The following AGBL4 variants were observed in gnomAD, a reference collection of about 807,000 sequenced individuals.
AGBL4 encodes the protein AGBL carboxypeptidase 4.
AGBL4 carries 58 observed loss-of-function variants against 66.4 expected under a neutral mutation model. The observed-to-expected ratio is 0.87, with a 90% confidence interval of 0.71 to 1.09. AGBL4 has a LOEUF of 1.09. Among genes scored for constraint, AGBL4 ranks in the 50% least tolerant of loss-of-function variants. The pLI is 0.00. For synonymous variants in AGBL4, 234 were observed against 222.9 expected, an observed-to-expected ratio of 1.05 and a Z score of -0.44; for missense variants, 579 against 631.0, an observed-to-expected ratio of 0.92 and a Z score of 0.88.
chr1:49,768,012 A>C (rs746991294), intron 2 of AGBL4, among the ~76,000 whole-genome samples: 17 of 152,040 alleles, frequency 1.1e-4, no homozygotes, highest in Middle Eastern at 3.4e-3. Flanking sequence ...CTCAAAGAAA[A>C]AAAACAAAAC....
At chr1:48,972,421 T>C (rs1017362336) in intron 5 of AGBL4, among the ~76,000 whole-genome samples, 1 of 152,186 alleles carries the variant, frequency 6.6e-6, no homozygotes, top group African/African-American at 2.4e-5. Flanking sequence ...AGTTGTGTCT[T>C]ATTTTTAGCT....
At chr1:49,444,515 CA>C (rs1363887544) in intron 3 of AGBL4, among the ~76,000 whole-genome samples, 2 of 152,144 alleles carry the variant, frequency 1.3e-5, no homozygotes, top group Admixed American at 1.3e-4. Flanking sequence ...ATTCCTTTAT[CA>C]TTATGTAATA....
chr1:49,655,925 G>T (rs1002651092), intron 3 of AGBL4, among the ~76,000 whole-genome samples: 2 of 152,158 alleles, frequency 1.3e-5, no homozygotes, highest in African/African-American at 4.8e-5. Context: ...GAGGTGGGCA[G>T]ATCATGAGGT....
chr1:49,642,258 T>C (rs535843008), intron 3 of AGBL4, among the ~76,000 whole-genome samples: 2 of 152,092 alleles, frequency 1.3e-5, no homozygotes, highest in South Asian at 4.1e-4. Flanking sequence ...TTTTAAAATA[T>C]TTATAAAACA....
intron 2 of AGBL4, among the ~76,000 whole-genome samples, chr1:49,805,809 C>T (rs1295181874): frequency 2.0e-5 from 3 of 152,108 alleles, no homozygotes; most frequent in Admixed American, 1.3e-4. Context: ...GAGGACACAG[C>T]GAGAAGGCAC....
chr1:49,557,146 A>G (rs979171376), intron 3 of AGBL4, among the ~76,000 whole-genome samples: 3 of 151,994 alleles, frequency 2.0e-5, no homozygotes, highest in Non-Finnish European at 2.9e-5. Flanking sequence ...CAGCCCAGAG[A>G]AGGTCTCCCA....
intron 3 of AGBL4, among the ~76,000 whole-genome samples, chr1:49,521,644 G>GA (rs1326829703): frequency 1.3e-5 from 2 of 151,850 alleles, no homozygotes; most frequent in Non-Finnish European, 1.5e-5. Flanking sequence ...TTTTACCATA[G>GA]AAAAAAACTA....
At chr1:48,991,060 T>A (rs1424920647) in intron 5 of AGBL4, among the ~76,000 whole-genome samples, 1 of 152,200 alleles carries the variant, frequency 6.6e-6, no homozygotes, top group African/African-American at 2.4e-5. Flanking sequence ...CTGTTACCAA[T>A]GAGTTTTGTA....
intron 1 of AGBL4, among the ~76,000 whole-genome samples, chr1:49,891,460 T>C (rs967572404): frequency 1.3e-5 from 2 of 152,052 alleles, no homozygotes; most frequent in Non-Finnish European, 2.9e-5. Flanking sequence ...GGCATCTAGA[T>C]GGTAGAGGCC....
At chr1:49,601,425 T>A (rs534302817) in intron 3 of AGBL4, among the ~76,000 whole-genome samples, 1 of 152,180 alleles carries the variant, frequency 6.6e-6, no homozygotes, top group African/African-American at 2.4e-5. Flanking sequence ...TAGATTTGGC[T>A]ATTCATCCTT....
At chr1:48,741,814 C>T (rs560755938) in intron 6 of AGBL4, among the ~76,000 whole-genome samples, 2 of 152,310 alleles carry the variant, frequency 1.3e-5, no homozygotes, top group South Asian at 2.1e-4. Context: ...GTAATGCATG[C>T]CACAGTGGCA....
intron 2 of AGBL4, among the ~76,000 whole-genome samples, chr1:49,710,951 T>C (rs1647617822): frequency 1.3e-5 from 2 of 151,994 alleles, no homozygotes; most frequent in African/African-American, 4.8e-5. Flanking sequence ...ACAAGATTTA[T>C]GAGTTGCCAG....
chr1:49,034,034 T>C (rs1231914375), intron 5 of AGBL4, among the ~76,000 whole-genome samples: 2 of 152,052 alleles, frequency 1.3e-5, no homozygotes, highest in African/African-American at 4.8e-5. Flanking sequence ...AGTTCCAGTG[T>C]TGATTCCTAT....
chr1:49,917,102 G>T (rs1183428054), intron 1 of AGBL4, among the ~76,000 whole-genome samples: 3 of 152,034 alleles, frequency 2.0e-5, no homozygotes, highest in Admixed American at 2.0e-4. Flanking sequence ...ACATGCAAAG[G>T]AACAACCGGT....
In AGBL4 at chr1:49,512,552, C is replaced by A. The variant is rs542814194; in HGVS notation, c.282+184761G>T. ...GTTTGTGGCATTTCCTGCCACCCCC[C>A]CTCTTTCCTACTTCACCATGTGACA... is the stretch of plus-strand genomic sequence containing the variant. On this transcript the variant is annotated intron_variant, in intron 3 of 13. Transcript: ENST00000371839. Among the ~76,000 whole-genome samples the A allele has an allele frequency of 5.9e-5, 9 of 151,836 alleles. No homozygotes were observed. The East Asian group carries it at 9.7e-4, about 16-fold the overall frequency.
chr1:49,410,962 A>T (rs1431333896), intron 3 of AGBL4, among the ~76,000 whole-genome samples: 1 of 152,226 alleles, frequency 6.6e-6, no homozygotes, highest in Non-Finnish European at 1.5e-5. Context: ...AGGGTTCTCC[A>T]GAGGGCCACA....
intron 9 of AGBL4, among the ~76,000 whole-genome samples, chr1:48,609,966 A>G (rs765429927): frequency 1.3e-5 from 2 of 152,326 alleles, no homozygotes; most frequent in South Asian, 4.1e-4. Flanking sequence ...AGACCTTGAA[A>G]TAAAAGAGAA....
At chr1:49,774,357 C>T (rs1306948138) in intron 2 of AGBL4, among the ~76,000 whole-genome samples, 1 of 152,196 alleles carries the variant, frequency 6.6e-6, no homozygotes, top group Non-Finnish European at 1.5e-5. Context: ...GCTCCACACT[C>T]TTTGGAGGTA....
intron 6 of AGBL4, among the ~76,000 whole-genome samples, chr1:48,727,369 T>C (rs1647352723): frequency 6.6e-6 from 1 of 152,176 alleles, no homozygotes; most frequent in East Asian, 1.9e-4. Flanking sequence ...GCCCTTCAGA[T>C]CTGTAGAAAG....
Sources: allele counts gnomAD v4.1 joint callset (sites outside exome capture counted in the v4.1 genomes callset), GRCh38; gene constraint gnomAD v4.1.1; transcripts MANE v1.5; gene names NCBI Gene and HGNC (gene_info 2026-07-23, HGNC 2026-07-21).